The following WDR41 variants were observed in gnomAD, a reference collection of about 807,000 sequenced individuals.
WDR41 encodes the protein WD repeat domain 41.
WDR41 carries 63 observed loss-of-function variants against 69.3 expected under a neutral mutation model. That is an observed-to-expected ratio of 0.91 (90% confidence interval 0.74 to 1.12). The LOEUF (loss-of-function observed/expected upper bound fraction) is 1.12, where lower values mean the gene tolerates loss of function less well. Ranked by LOEUF, WDR41 falls within the 50% of genes most tolerant of loss-of-function variation. The pLI, the probability that WDR41 is intolerant of heterozygous loss-of-function variation, is 0.00. For synonymous variants in WDR41, 185 were observed against 192.1 expected (o/e 0.96, Z 0.31); for missense variants, 543 against 534.5 (o/e 1.02, Z -0.16).
At chr5:77,491,943 GGGGGTCTGCAGCTCCAGGGTGCGCCT>G (rs1801811007) in intron 1 of WDR41, 2 of 540,302 alleles carry the variant, frequency 3.7e-6, no homozygotes, top group Non-Finnish European at 6.5e-6. Flanking sequence ...GGACGGGGCC[GGGGGTCTGCAGCTCCAGGGTGCGCCT>G]GGGGTCCCGC....
intron 1 of WDR41, among the ~76,000 whole-genome samples, chr5:77,529,521 A>G (rs1802496272): frequency 6.6e-6 from 1 of 151,628 alleles, no homozygotes; most frequent in African/African-American, 2.4e-5. Context: ...CGAGTTGATT[A>G]TAATATTTTA....
chr5:77,479,010 C>T (rs1159199119), intron 2 of WDR41, among the ~76,000 whole-genome samples: 1 of 151,872 alleles, frequency 6.6e-6, no homozygotes, highest in Non-Finnish European at 1.5e-5. Context: ...GCAAAAATCA[C>T]AAGCATTCTT....
intron 2 of WDR41, among the ~76,000 whole-genome samples, chr5:77,488,235 C>G (rs149507960): frequency 1.3e-5 from 2 of 152,134 alleles, no homozygotes; most frequent in East Asian, 1.9e-4. Context: ...TCTGTGGAAT[C>G]TGACCTAAGT....
At chr5:77,558,094 T>TTAA (rs1554036365) in intron 1 of WDR41, among the ~76,000 whole-genome samples, 19 of 104,286 alleles carry the variant, frequency 1.8e-4, no homozygotes, top group African/African-American at 6.5e-4. Context: ...ATGTTCTTTT[T>TTAA]AAAAAAAAAA....
intron 1 of WDR41, among the ~76,000 whole-genome samples, chr5:77,516,437 C>T (rs563295324): frequency 1.2e-4 from 19 of 152,180 alleles, no homozygotes; most frequent in Middle Eastern, 3.4e-3. Flanking sequence ...CTGCATTTCC[C>T]ATAGCAATTA....
At chr5:77,587,763 T>G in intron 1 of WDR41, among the ~76,000 whole-genome samples, 1 of 152,172 alleles carries the variant, frequency 6.6e-6, no homozygotes, top group East Asian at 1.9e-4. Context: ...TATATTAATA[T>G]GACTGGTGTC....
At chr5:77,543,596 A>G (rs937288041) in intron 1 of WDR41, among the ~76,000 whole-genome samples, 1 of 152,104 alleles carries the variant, frequency 6.6e-6, no homozygotes, top group African/African-American at 2.4e-5. Context: ...ACCCAATCCA[A>G]GAAAGACAAA....
intron 12 of WDR41, 114 bp from the exon 13 acceptor site, chr5:77,433,401 G>A: frequency 1.3e-6 from 1 of 783,210 alleles, no homozygotes; most frequent in Non-Finnish European, 1.9e-6. Flanking sequence ...TTTGGATCTG[G>A]GTGTAGAACT....
intron 2 of WDR41, among the ~76,000 whole-genome samples, chr5:77,469,865 T>C (rs1034141549): frequency 6.6e-6 from 1 of 152,146 alleles, no homozygotes; most frequent in Non-Finnish European, 1.5e-5. Context: ...CAGGATATTA[T>C]ACAGGAGAAC....
Position 77,556,094 on chromosome 5 carries a change from AC to A in WDR41, c.42+64384del, listed in dbSNP as rs1198727928. 3.1e-3 allele frequency among the ~76,000 whole-genome samples: 316 copies of A among 101,974 alleles called. 6 individuals carry two copies. The highest frequency in any genetic ancestry group is 0.012 in the African/African-American group (300 of 25,510). 66.9% of individuals were successfully genotyped at this position (101,974 alleles called of 152,430 possible). A position where few individuals can be genotyped will look rare whatever the true frequency, so the allele number is the denominator to read the frequency against. ...GACAAAGGTGGTGGGGAAAAGATGG[AC>A]TTTTTTTTTTTTTTTTTTTTTTTTT... On this transcript the variant is annotated intron_variant, in intron 1 of 5. Coordinates refer to the WDR41 transcript ENST00000509971.
chr5:77,460,218 C>A (rs1194187728), intron 4 of WDR41, among the ~76,000 whole-genome samples: 1 of 152,180 alleles, frequency 6.6e-6, no homozygotes, highest in Non-Finnish European at 1.5e-5. Context: ...CTCCCTTTCA[C>A]ACCATCATAA....
rs1338961858 is a variant in WDR41 at position 77,471,454 on chromosome 5, C to CA, written c.168-6646dup. On this transcript the variant is annotated intron_variant, in intron 2 of 12. Coordinates refer to ENST00000296679, the MANE Select transcript of WDR41 (RefSeq NM_018268.4). ...AGCAGAACTGAAGGAAATAGAGACA[C>CA]AAAAAACCCTTCAAAAAATTAATGA... 2.6e-5 allele frequency among the ~76,000 whole-genome samples: 4 copies of CA among 151,958 alleles called. No homozygotes were observed. The East Asian group carries it at 5.8e-4, about 22-fold the overall frequency.
rs190044755 is a variant in WDR41 at position 77,475,529 on chromosome 5, C to A, written c.168-10720G>T. ...TCCCTGACCCCTGACCCCCGAGCAG[C>A]CTAACTGGGAGGCACCCCCCAGAAG... On this transcript the variant is annotated intron_variant, in intron 2 of 12. Transcript: ENST00000296679. Among the ~76,000 whole-genome samples, 295 of 152,330 alleles carry A rather than the reference C, an allele frequency of 1.9e-3. 3 individuals are homozygous for A. The highest frequency in any genetic ancestry group is 4.1e-3 in the Admixed American group (63 of 15,300).
At chr5:77,485,855 C>T (rs1397249405) in intron 2 of WDR41, among the ~76,000 whole-genome samples, 1 of 151,918 alleles carries the variant, frequency 6.6e-6, no homozygotes, top group South Asian at 2.1e-4. Context: ...AGCTGAGCCA[C>T]TGAGAAAACA....
At position 77,473,038 on chromosome 5, in the gene WDR41, AACCAAAACAGCATGATACTGGT is replaced by A. The variant is rs1202250006; in HGVS notation, c.168-8251_168-8230del. 4.9e-4 allele frequency among the ~76,000 whole-genome samples: 74 copies of A among 152,326 alleles called. 1 individual carries two copies. The East Asian group carries it at 0.011, about 23-fold the overall frequency. On this transcript the variant is annotated intron_variant, in intron 2 of 12. Coordinates refer to ENST00000296679, the MANE Select transcript of WDR41 (RefSeq NM_018268.4). ...TCAAATTATACTACAAGGCTACAGTAACCAAAACAGCATGATACTGGTACCAAAACAGCATGATACTGGTACC... is the reference window on the plus strand; with the variant it reads ...TCAAATTATACTACAAGGCTACAGTAACCAAAACAGCATGATACTGGTACC...
chr5:77,600,569 A>C (rs1245744472), intron 1 of WDR41, among the ~76,000 whole-genome samples: 2 of 152,176 alleles, frequency 1.3e-5, no homozygotes, highest in Non-Finnish European at 2.9e-5. Flanking sequence ...TCTAAAAAAA[A>C]TTTTACTATG....
intron 1 of WDR41, among the ~76,000 whole-genome samples, chr5:77,510,074 C>T (rs995208560): frequency 6.6e-6 from 1 of 152,162 alleles, no homozygotes; most frequent in African/African-American, 2.4e-5. Flanking sequence ...TAGTCCATTT[C>T]CACACTGCTG....
chr5:77,554,037 CA>C (rs1743343888), intron 1 of WDR41, among the ~76,000 whole-genome samples: 1 of 152,120 alleles, frequency 6.6e-6, no homozygotes, highest in Non-Finnish European at 1.5e-5. Flanking sequence ...TGGAAGTCAA[CA>C]GATGGTTAAA....
intron 9 of WDR41, among the ~76,000 whole-genome samples, chr5:77,440,310 T>C (rs181406951): frequency 4.6e-5 from 7 of 152,298 alleles, no homozygotes; most frequent in African/African-American, 1.4e-4. Context: ...CAGTAGTCCA[T>C]TGGTACTAAT....
Sources: allele counts gnomAD v4.1 joint callset (sites outside exome capture counted in the v4.1 genomes callset), GRCh38; gene constraint gnomAD v4.1.1; transcripts MANE v1.5; gene names NCBI Gene and HGNC (gene_info 2026-07-23, HGNC 2026-07-21).